Variants in PCDH7 observed in about 807,000 individuals in gnomAD.
PCDH7 encodes protocadherin-7.
PCDH7 carries 17 observed loss-of-function variants against 58.9 expected under a neutral mutation model. The observed-to-expected ratio is 0.29, with a 90% CI of 0.20 to 0.43. The LOEUF is 0.43. Ranked by LOEUF, PCDH7 falls within the 20% of genes least tolerant of loss-of-function variation. PCDH7 has a pLI of 1.00. For missense variants in PCDH7, 1,274 were observed against 1,441.0 expected (o/e 0.88, Z 1.88); for synonymous variants, 664 against 616.4 (o/e 1.08, Z -1.14).
chr4:30,938,472 G>A (rs114107488), intron 2 of PCDH7, among the ~76,000 whole-genome samples: 90 of 136,266 alleles, frequency 6.6e-4, no homozygotes, highest in African/African-American at 2.6e-3. Flanking sequence ...TGCTCACTGG[G>A]GAAAAACATA....
At chr4:30,912,696 TA>T (rs1181594029) in intron 1 of PCDH7, among the ~76,000 whole-genome samples, 1 of 152,210 alleles carries the variant, frequency 6.6e-6, no homozygotes, top group Non-Finnish European at 1.5e-5. Flanking sequence ...GAAAGAGATT[TA>T]ACCTGAGGTT....
intron 1 of PCDH7, among the ~76,000 whole-genome samples, chr4:30,904,107 T>A (rs4359861): frequency 2.0e-5 from 3 of 152,156 alleles, no homozygotes; most frequent in Admixed American, 1.3e-4. Flanking sequence ...CAAGCCCAAC[T>A]CTGTCACTTC....
At chr4:31,042,310 T>C (rs1755935170) in intron 3 of PCDH7, among the ~76,000 whole-genome samples, 1 of 152,202 alleles carries the variant, frequency 6.6e-6, no homozygotes, top group African/African-American at 2.4e-5. Flanking sequence ...TCAGATACTC[T>C]TGTTATAAAG....
At chr4:31,069,560 A>G in intron 3 of PCDH7, among the ~76,000 whole-genome samples, 1 of 152,092 alleles carries the variant, frequency 6.6e-6, no homozygotes, top group South Asian at 2.1e-4. Context: ...CATTTCCTCC[A>G]AAATGATACT....
rs577459452 is a variant in PCDH7, at chr4:30,926,732, C to T, written c.287+6363C>T. Among the ~76,000 whole-genome samples, 17 of 152,134 alleles carry T rather than the reference C, an allele frequency of 1.1e-4. No individual in the cohort carries two copies. The South Asian group carries it at 2.3e-3, about 20-fold the overall frequency. On this transcript the variant is annotated intron_variant, in intron 2 of 3. Transcript: ENST00000509759. The stretch of plus-strand genomic sequence containing the variant: ...TTCTATCTCTTGGCATCAAACCAAC[C>T]GACTCTTTGTGTTCTTTGTCATTCA...
chr4:30,832,368 A>G (rs542370915), intron 1 of PCDH7, among the ~76,000 whole-genome samples: 26 of 152,050 alleles, frequency 1.7e-4, no homozygotes, highest in African/African-American at 5.3e-4. Flanking sequence ...TCACTGTTGG[A>G]TACATCTGGT....
chr4:30,862,550 T>G (rs1368454492), intron 1 of PCDH7, among the ~76,000 whole-genome samples: 1 of 152,174 alleles, frequency 6.6e-6, no homozygotes, highest in Non-Finnish European at 1.5e-5. Context: ...GGAATTACAT[T>G]TAAGAAGTGA....
At chr4:31,077,956 C>T (rs139428960) in intron 3 of PCDH7, among the ~76,000 whole-genome samples, 1 of 151,974 alleles carries the variant, frequency 6.6e-6, no homozygotes. Flanking sequence ...AATTCTGATC[C>T]CAGAATTTAC....
rs528532220 is a variant in PCDH7 at position 31,038,439 on chromosome 4, A to G, written c.*7+88224A>G. ...CTTCCTTAGAAGGGTAAACTTAAAT[A>G]TAAGCAAAATAAATACAAAGGTAGC... On this transcript the variant is annotated intron_variant, in intron 3 of 3. Coordinates refer to the PCDH7 transcript ENST00000509759. 4.9e-4 allele frequency among the ~76,000 whole-genome samples: 75 copies of G among 152,350 alleles called. 1 individual carries two copies. The highest frequency in any genetic ancestry group is 1.8e-3 in the African/African-American group (73 of 41,594).
intron 1 of PCDH7, among the ~76,000 whole-genome samples, chr4:30,758,940 G>GTT (rs11463767): frequency 0.042 from 5,186 of 123,954 alleles, 452 homozygotes; most frequent in African/African-American, 0.12. Flanking sequence ...TTGAAGAAGT[G>GTT]TTTTTTTTTT....
chr4:31,021,584 G>T (rs1011916660), intron 3 of PCDH7, among the ~76,000 whole-genome samples: 7 of 152,062 alleles, frequency 4.6e-5, no homozygotes, highest in African/African-American at 1.7e-4. Context: ...CTTTCTGCGG[G>T]ACTCAAAGAC....
In PCDH7 at chr4:30,899,556, A is replaced by G. The variant is rs534342534; in HGVS notation, c.71-20597A>G. On this transcript the variant is annotated intron_variant, in intron 1 of 3. Transcript: ENST00000509759. ...TGGTTTCATTTAAGCCTGTCAGCCAATAGGAAGCAGTAGCCTGTCTGCCAG... is the reference window on the plus strand; with the variant it reads ...TGGTTTCATTTAAGCCTGTCAGCCAGTAGGAAGCAGTAGCCTGTCTGCCAG... Among the ~76,000 whole-genome samples the G allele has an allele frequency of 5.9e-5, 9 of 152,294 alleles. No homozygotes were observed. In the South Asian group the frequency reaches 1.2e-3, roughly 21 times the overall value.
chr4:31,109,331 G>A (rs1287003597), intron 3 of PCDH7, among the ~76,000 whole-genome samples: 1 of 152,172 alleles, frequency 6.6e-6, no homozygotes, highest in Non-Finnish European at 1.5e-5. Flanking sequence ...TAATTGACAA[G>A]GCTGCTTTTG....
chr4:30,823,509 G>A (rs967518983), intron 1 of PCDH7, among the ~76,000 whole-genome samples: 9 of 152,050 alleles, frequency 5.9e-5, no homozygotes, highest in African/African-American at 1.9e-4. Flanking sequence ...AGTCCATTAT[G>A]CCACCTCCTT....
At chr4:31,053,154 C>T (rs777692319) in intron 3 of PCDH7, among the ~76,000 whole-genome samples, 39 of 152,014 alleles carry the variant, frequency 2.6e-4, no homozygotes, top group Non-Finnish European at 2.2e-4. Flanking sequence ...AAAGCAAAAG[C>T]TTGTCTTCTT....
chr4:30,998,386 G>T (rs61792936), intron 3 of PCDH7, among the ~76,000 whole-genome samples: 34,616 of 152,094 alleles, frequency 0.23, 4,180 homozygotes, highest in African/African-American at 0.3. Flanking sequence ...GGAATGGAGG[G>T]AGGAAGGGTA....
intron 1 of PCDH7, among the ~76,000 whole-genome samples, chr4:30,833,123 A>C (rs193120835): frequency 3.9e-5 from 6 of 152,290 alleles, no homozygotes; most frequent in African/African-American, 1.4e-4. Flanking sequence ...GTGTGTGTGC[A>C]TGCATGTGGG....
chr4:31,068,410 C>T (rs1349315003), intron 3 of PCDH7, among the ~76,000 whole-genome samples: 3 of 151,934 alleles, frequency 2.0e-5, no homozygotes, highest in African/African-American at 7.2e-5. Context: ...AGCAAGATGA[C>T]TCGTAAACTG....
chr4:31,067,866 A>T (rs1041511071), intron 3 of PCDH7, among the ~76,000 whole-genome samples: 2 of 152,010 alleles, frequency 1.3e-5, no homozygotes, highest in Non-Finnish European at 2.9e-5. Context: ...TGATATATAC[A>T]GTGAAACAAT....
Sources: allele counts gnomAD v4.1 joint callset (sites outside exome capture counted in the v4.1 genomes callset), GRCh38; gene constraint gnomAD v4.1.1; transcripts MANE v1.5; gene names NCBI Gene and HGNC (gene_info 2026-07-23, HGNC 2026-07-21).